The following DYNC2H1 variants were observed in gnomAD, a reference collection of about 807,000 sequenced individuals.
DYNC2H1 encodes dynein cytoplasmic 2 heavy chain 1.
A neutral mutation model predicts 570.0 loss-of-function variants in DYNC2H1; 410 were observed. The ratio of observed to expected loss-of-function variants is 0.72; its 90% CI spans 0.66 to 0.78. The LOEUF (loss-of-function observed/expected upper bound fraction) is 0.78, where lower values mean the gene tolerates loss of function less well. DYNC2H1 is among the 30% of genes least tolerant of loss of function. DYNC2H1 has a pLI of 0.00. For synonymous variants in DYNC2H1, 1,688 were observed against 1,677.6 expected, an observed-to-expected ratio of 1.01 and a Z score of -0.15; for missense variants, 4,865 against 5,046.4, an observed-to-expected ratio of 0.96 and a Z score of 1.09.
At chr11:103,159,406 A>G (rs759250444) in intron 28 of DYNC2H1, among the ~76,000 whole-genome samples, 7 of 152,158 alleles carry the variant, frequency 4.6e-5, no homozygotes, top group African/African-American at 7.2e-5. Context: ...GAAGGAGAAT[A>G]TGCCTCTTCC....
At position 103,148,514 on chromosome 11, in the gene DYNC2H1, T is replaced by A. The variant is rs1159138266; in HGVS notation, c.2843T>A (p.Phe948Tyr). ...GCTCATTTACATGAAATTGATACAT[T>A]TGTTACTGAGGCTATGGAAGTCTTA... is the stretch of plus-strand genomic sequence containing the variant. Reference protein sequence around the residue: ...IQAHLHEIDTFVTEAMEVLTI... With the variant: ...IQAHLHEIDTYVTEAMEVLTI... Residue 948 changes from phenylalanine to tyrosine, a missense_variant, in exon 20 of 89, where the codon TTT becomes TAT. Physicochemically the swap from Phe to Tyr is conservative, Grantham distance 22. This residue lies in a region of DYNC2H1 where 1,936 missense variants were observed against 1,962.1 expected (regional missense o/e 0.99). Coordinates refer to ENST00000375735, the MANE Select transcript of DYNC2H1 (RefSeq NM_001377.3). 1 of 1,562,962 alleles carries A rather than the reference T, an allele frequency of 6.4e-7. No homozygotes were observed. The highest frequency in any genetic ancestry group is 8.7e-7 in the Non-Finnish European group (1 of 1,152,048).
intron 70 of DYNC2H1, among the ~76,000 whole-genome samples, chr11:103,276,533 C>T (rs1865912718): frequency 6.6e-6 from 1 of 151,746 alleles, no homozygotes; most frequent in African/African-American, 2.4e-5. Context: ...GCAAATGATA[C>T]AAGCTTATTT....
intron 84 of DYNC2H1, among the ~76,000 whole-genome samples, chr11:103,428,243 A>G (rs1943748913): frequency 6.6e-6 from 1 of 151,372 alleles, no homozygotes; most frequent in Non-Finnish European, 1.5e-5. Context: ...TGTGGATAAG[A>G]AAAAGCTTGC....
chr11:103,321,013 T>C lies in DYNC2H1; in HGVS notation c.11726-16T>C. On this transcript the variant is annotated splice_polypyrimidine_tract_variant and intron_variant, in intron 80 of 88. Transcript: ENST00000375735. ...TTTTAGAAATGAAATTAATGAGTGT[T>C]TTTTTAAAATTATAGGTGCCAAAGA... 1 of 1,574,920 alleles carries C rather than the reference T, an allele frequency of 6.3e-7. No homozygotes were observed. Among genetic ancestry groups the C allele is most frequent in the African/African-American group, 1.4e-5 (1 of 73,582 alleles).
In DYNC2H1 at chr11:103,472,415, T is replaced by TGG. The variant is rs1361882999; in HGVS notation, c.12765+3711_12765+3712dup. 6.6e-6 allele frequency among the ~76,000 whole-genome samples: 1 copy of TGG among 152,026 alleles called. No individual in the cohort carries two copies. Among genetic ancestry groups the TGG allele is most frequent in the Non-Finnish European group, 1.5e-5 (1 of 68,000 alleles). ...TTTTAAAGAATTGAGAACAGGAGTA[T>TGG]GGTAAGATCAGATTTGTAGTTTTAG... is the stretch of plus-strand genomic sequence containing the variant. On this transcript the variant is annotated intron_variant, in intron 88 of 88. Coordinates refer to ENST00000375735, the MANE Select transcript of DYNC2H1 (RefSeq NM_001377.3). This position sits in a 1 kb window ranked among gnomAD's most constrained non-coding sequence, Gnocchi z 4.1.
chr11:103,303,772 C>T (rs991706731), intron 76 of DYNC2H1, among the ~76,000 whole-genome samples: 3 of 151,960 alleles, frequency 2.0e-5, no homozygotes, highest in Admixed American at 6.6e-5. Flanking sequence ...AACTTCTGGC[C>T]GCCAGAAGTC....
intron 70 of DYNC2H1, among the ~76,000 whole-genome samples, chr11:103,278,502 T>A (rs1292718244): frequency 6.6e-6 from 1 of 152,168 alleles, no homozygotes; most frequent in Non-Finnish European, 1.5e-5. Flanking sequence ...TAAGGTCACC[T>A]GGCTAGTAAA....
chr11:103,193,094 C>T (rs552282443), intron 47 of DYNC2H1, among the ~76,000 whole-genome samples: 4 of 152,198 alleles, frequency 2.6e-5, no homozygotes, highest in East Asian at 1.9e-4. Flanking sequence ...AAGGGAACTT[C>T]GAGGGTGGGA....
In DYNC2H1 at chr11:103,156,798, A is replaced by C. The variant is rs1296730487; in HGVS notation, c.4127+28A>C. 2.5e-6 allele frequency: 4 copies of C among 1,575,848 alleles called. No individual in the cohort carries two copies. In the African/African-American group the frequency reaches 5.5e-5, roughly 22 times the overall value. On this transcript the variant is annotated intron_variant, in intron 26 of 88. Coordinates refer to ENST00000375735, the MANE Select transcript of DYNC2H1 (RefSeq NM_001377.3). ...CAGTACAATGATGTAAGACATAGAC[A>C]CATATGGTATTTTTTTTAAATTAAT...
intron 75 of DYNC2H1, among the ~76,000 whole-genome samples, chr11:103,288,684 T>TTAAAAAAAAAAAAAAAAA (rs1401919829): frequency 3.6e-5 from 1 of 27,914 alleles, no homozygotes; most frequent in African/African-American, 1.6e-4. Flanking sequence ...CCGTCTCTAC[T>TTAAAAAAAAAAAAAAAAA]AAAAAAAAAA....
At chr11:103,314,263 ATTTATGTTC>A (rs1156261395) in intron 79 of DYNC2H1, among the ~76,000 whole-genome samples, 9 of 152,106 alleles carry the variant, frequency 5.9e-5, no homozygotes, top group Admixed American at 4.6e-4. Flanking sequence ...TTCTATATGC[ATTTATGTTC>A]TTTATAACTC....
intron 1 of DYNC2H1, among the ~76,000 whole-genome samples, chr11:103,110,628 A>G (rs1322954248): frequency 6.6e-6 from 1 of 152,160 alleles, no homozygotes; most frequent in Non-Finnish European, 1.5e-5. Flanking sequence ...AATGGGTTGC[A>G]TTTGCAATCA....
Position 103,113,519 on chromosome 11 carries a change from A to T in DYNC2H1, c.196-18A>T, listed in dbSNP as rs753916515. 6.7e-7 allele frequency: 1 copy of T among 1,488,812 alleles called. No homozygotes were observed. Among genetic ancestry groups the T allele is most frequent in the South Asian group, 1.5e-5 (1 of 65,646 alleles). The allele number at this position is 1,488,812 out of a possible 1,614,324, so 92.2% of individuals were successfully genotyped here. On this transcript the variant is annotated intron_variant, in intron 1 of 88. Transcript: ENST00000375735. Reference sequence around the variant, plus strand: ...TAAATTTTATGAAGATAACATTAAAAATCATTTATCACTTTAGATTGAGTT... The same window carrying T: ...TAAATTTTATGAAGATAACATTAAATATCATTTATCACTTTAGATTGAGTT...
chr11:103,117,002 G>A (rs1174324064), intron 5 of DYNC2H1, among the ~76,000 whole-genome samples: 1 of 150,008 alleles, frequency 6.7e-6, no homozygotes, highest in Non-Finnish European at 1.5e-5. Flanking sequence ...AAATATATAG[G>A]CTTATTTGTT....
intron 59 of DYNC2H1, among the ~76,000 whole-genome samples, chr11:103,224,764 CTAG>C (rs1863739454): frequency 6.6e-6 from 1 of 152,158 alleles, no homozygotes; most frequent in African/African-American, 2.4e-5. Flanking sequence ...GGGTAGATAC[CTAG>C]TAGTAGAATT....
intron 84 of DYNC2H1, among the ~76,000 whole-genome samples, chr11:103,414,274 A>G (rs947604844): frequency 7.2e-5 from 11 of 152,306 alleles, no homozygotes; most frequent in Admixed American, 3.3e-4. Context: ...GTTATTAATA[A>G]TTTTATGCCT....
chr11:103,217,992 G>C (rs553551335), intron 55 of DYNC2H1, among the ~76,000 whole-genome samples: 1 of 152,142 alleles, frequency 6.6e-6, no homozygotes, highest in Non-Finnish European at 1.5e-5. Flanking sequence ...TCAAGTAAGT[G>C]TGAGCTAAAG....
At chr11:103,124,901 G>A (rs1858909819) in intron 11 of DYNC2H1, among the ~76,000 whole-genome samples, 199 bp from the exon 12 acceptor site, 1 of 151,950 alleles carries the variant, frequency 6.6e-6, no homozygotes, top group Non-Finnish European at 1.5e-5. Flanking sequence ...ATCTATTTTG[G>A]ATATTGCAGT....
chr11:103,223,573 A>G (rs1215530738), intron 59 of DYNC2H1, among the ~76,000 whole-genome samples: 1 of 54,764 alleles, frequency 1.8e-5, no homozygotes, highest in Non-Finnish European at 3.7e-5. Context: ...TTTTTAGTAG[A>G]GACTAAAATA....
Sources: allele counts gnomAD v4.1 joint callset (sites outside exome capture counted in the v4.1 genomes callset), GRCh38; gene constraint gnomAD v4.1.1; regional missense constraint gnomAD v4.1.1; non-coding constraint Gnocchi (gnomAD v3.1); transcripts MANE v1.5; gene names NCBI Gene and HGNC (gene_info 2026-07-23, HGNC 2026-07-21).